The following TSPEAR variants were observed in gnomAD, a reference collection of about 807,000 sequenced individuals.
The protein encoded by TSPEAR is thrombospondin type laminin G domain and EAR repeats.
Under a neutral mutation model 71.6 loss-of-function variants are expected in TSPEAR, and 69 were observed. That is an observed-to-expected ratio of 0.96 (90% CI 0.79 to 1.18). The LOEUF (loss-of-function observed/expected upper bound fraction) is 1.18. Ranked by LOEUF, TSPEAR falls within the 50% of genes most tolerant of loss-of-function variation. TSPEAR has a pLI of 0.00. For missense variants in TSPEAR, 971 were observed against 894.9 expected, an observed-to-expected ratio of 1.09 and a Z score of -1.09; for synonymous variants, 402 against 387.2, an observed-to-expected ratio of 1.04 and a Z score of -0.45.
At chr21:44,525,897 G>C in intron 7 of TSPEAR, 58 bp from the exon 8 acceptor site, 2 of 1,542,272 alleles carry the variant, frequency 1.3e-6, no homozygotes, top group South Asian at 1.1e-5. Flanking sequence ...CAGCGGCCTG[G>C]TTTCTGAAGG....
chr21:44,538,267 C>T lies in TSPEAR; in HGVS notation c.304-4344G>A, dbSNP rs948638429. Among the ~76,000 whole-genome samples the T allele has an allele frequency of 3.9e-5, 6 of 152,162 alleles. 1 individual carries two copies. Among genetic ancestry groups the T allele is most frequent in the East Asian group, 1.9e-4 (1 of 5,198 alleles). On this transcript the variant is annotated intron_variant, in intron 2 of 11. Transcript: ENST00000323084. ...CGCTGCCTGATCTTACCATTGTCCC[C>T]GCTGACGGCCTTTCCCACAGGACAT...
intron 1 of TSPEAR, chr21:44,580,576 CA>C (rs1416431777): frequency 1.9e-6 from 3 of 1,607,506 alleles, no homozygotes; most frequent in African/African-American, 2.7e-5. Flanking sequence ...TGCACGCGGC[CA>C]TGCTGGGGTG....
At chr21:44,666,312 T>C in intron 1 of TSPEAR, 2 of 1,103,086 alleles carry the variant, frequency 1.8e-6, no homozygotes, top group Non-Finnish European at 2.6e-6. Flanking sequence ...ACATTCTCAA[T>C]CCAGAATTCA....
At chr21:44,678,132 C>T (rs1357553578) in intron 1 of TSPEAR, 24 of 592,400 alleles carry the variant, frequency 4.1e-5, no homozygotes, top group African/African-American at 1.1e-4. Context: ...GCTGCCATGG[C>T]GGCACGAGTA....
chr21:44,573,611 A>G (rs1204877955), intron 1 of TSPEAR: 1 of 1,361,434 alleles, frequency 7.3e-7, no homozygotes, highest in African/African-American at 1.5e-5. Context: ...CACCCCAACA[A>G]GGAAGGGAGG....
At chr21:44,691,105 T>C (rs1450726048) in intron 1 of TSPEAR, among the ~76,000 whole-genome samples, 1 of 149,124 alleles carries the variant, frequency 6.7e-6, no homozygotes, top group Non-Finnish European at 1.5e-5. Context: ...TTCTCTCCTC[T>C]CTCCACACTT....
intron 1 of TSPEAR, among the ~76,000 whole-genome samples, chr21:44,706,461 ACGTG>A (rs1395996492): frequency 6.3e-5 from 9 of 143,678 alleles, no homozygotes; most frequent in African/African-American, 2.3e-4. Context: ...GTACACACCC[ACGTG>A]CACACACCCA....
intron 1 of TSPEAR, chr21:44,667,029 T>A: frequency 1.0e-6 from 1 of 964,238 alleles, no homozygotes; most frequent in Non-Finnish European, 1.5e-6. Context: ...CTCAGTGCTG[T>A]CTCCTGGAGC....
At position 44,533,524 on chromosome 21, in the gene TSPEAR, C is replaced by T. The variant is rs1330053265; in HGVS notation, c.542+161G>A. Among the ~76,000 whole-genome samples the T allele has an allele frequency of 5.3e-5, 8 of 151,892 alleles. 1 individual carries two copies. Among genetic ancestry groups the T allele is most frequent in the Admixed American group, 6.6e-5 (1 of 15,264 alleles). On this transcript the variant is annotated intron_variant, in intron 3 of 11. Coordinates refer to ENST00000323084, the MANE Select transcript of TSPEAR (RefSeq NM_144991.3). ...CCTGGCCCCTGGTCGGCTCCTGCCCCGTGGATGGCTCCTGCCCCTCCACCC... is the reference window on the plus strand; with the variant it reads ...CCTGGCCCCTGGTCGGCTCCTGCCCTGTGGATGGCTCCTGCCCCTCCACCC...
At chr21:44,556,382 A>G (rs1555919802) in intron 2 of TSPEAR, among the ~76,000 whole-genome samples, 1 of 151,342 alleles carries the variant, frequency 6.6e-6, no homozygotes, top group African/African-American at 2.4e-5. Flanking sequence ...CTCAAAAAAA[A>G]ATAACAACAA....
At chr21:44,643,654 A>G (rs1984142655) in intron 1 of TSPEAR, among the ~76,000 whole-genome samples, 2 of 152,312 alleles carry the variant, frequency 1.3e-5, no homozygotes, top group South Asian at 4.1e-4. Flanking sequence ...ATACTCATAA[A>G]ATAGAAGCAG....
rs199985117 is a variant in TSPEAR, at chr21:44,566,992, TA to T, written c.303+792del. On this transcript the variant is annotated intron_variant, in intron 2 of 11. Transcript: ENST00000323084. ...GATATCAAAAGTACAAGCAACAAAA[TA>T]AAAAAAATAGATAAATTGAACATCA... Among the ~76,000 whole-genome samples the T allele has an allele frequency of 7.2e-4, 110 of 151,930 alleles. 1 individual carries two copies. The East Asian group carries it at 0.018, about 25-fold the overall frequency.
At chr21:44,580,316 C>G in intron 1 of TSPEAR, 1 of 1,613,964 alleles carries the variant, frequency 6.2e-7, no homozygotes, top group Non-Finnish European at 8.5e-7. Flanking sequence ...GGGCACGCAG[C>G]AGGCCTGCTG....
chr21:44,603,905 G>A lies in TSPEAR; in HGVS notation c.83-35900C>T, dbSNP rs587611015. Among the ~76,000 whole-genome samples the A allele has an allele frequency of 1.2e-4, 18 of 152,332 alleles. 1 individual carries two copies. In the East Asian group the frequency reaches 2.9e-3, roughly 24 times the overall value. On this transcript the variant is annotated intron_variant, in intron 1 of 11. Coordinates refer to ENST00000323084, the MANE Select transcript of TSPEAR (RefSeq NM_144991.3). Reference sequence around the variant, plus strand: ...CAGCAAAATGCACACAAAAGCATAAGCACACAATCAAAGTTTCCACCAATC... The same window carrying A: ...CAGCAAAATGCACACAAAAGCATAAACACACAATCAAAGTTTCCACCAATC...
intron 1 of TSPEAR, among the ~76,000 whole-genome samples, chr21:44,680,691 T>C (rs1370325138): frequency 6.6e-6 from 1 of 152,220 alleles, no homozygotes; most frequent in East Asian, 1.9e-4. Context: ...ATATTTACAA[T>C]GGAATCTTAT....
chr21:44,508,172 T>C (rs233225), intron 10 of TSPEAR: 142,694 of 152,954 alleles, frequency 0.93, 66,662 homozygotes, highest in African/African-American at 0.98. Context: ...TGCACGTCCG[T>C]GGGCACGCAC....
At chr21:44,510,806 TTAAGC>T (rs1457127489) in intron 9 of TSPEAR, 6 of 152,270 alleles carry the variant, frequency 3.9e-5, no homozygotes, top group African/African-American at 7.2e-5. Flanking sequence ...ATGGGTGAGC[TTAAGC>T]TAAGAAAGCA....
intron 1 of TSPEAR, chr21:44,627,995 T>C (rs782143177): frequency 8.1e-6 from 13 of 1,610,982 alleles, no homozygotes; most frequent in East Asian, 2.2e-5. Context: ...TGCCGCCCTG[T>C]GTGCTCCCGC....
chr21:44,659,679 G>A (rs587647472), intron 1 of TSPEAR, among the ~76,000 whole-genome samples: 1 of 152,318 alleles, frequency 6.6e-6, no homozygotes, highest in East Asian at 1.9e-4. Context: ...CCAGCACATT[G>A]GGAGGCTGAG....
Sources: allele counts gnomAD v4.1 joint callset (sites outside exome capture counted in the v4.1 genomes callset), GRCh38; gene constraint gnomAD v4.1.1; transcripts MANE v1.5; gene names NCBI Gene and HGNC (gene_info 2026-07-23, HGNC 2026-07-21).